RNMT: variants seen among roughly 807,000 people sequenced by gnomAD.
RNMT encodes RNA guanine-7 methyltransferase, also known as mRNA cap guanine-N(7) methyltransferase.
RNMT carries 27 observed loss-of-function variants against 56.0 expected under a neutral mutation model. That is an observed-to-expected ratio of 0.48 (90% CI 0.36 to 0.67). The LOEUF is 0.67. RNMT is among the 30% of genes least tolerant of loss of function. The pLI, the probability that RNMT is intolerant of heterozygous loss-of-function variation, is 0.00. For missense variants in RNMT, 519 were observed against 552.1 expected (o/e 0.94, Z 0.60); for synonymous variants, 184 against 176.2 (o/e 1.04, Z -0.35).
At position 13,763,192 on chromosome 18, in the gene RNMT, A is replaced by C. The variant is rs2149113004; in HGVS notation, c.*3213A>C. On this transcript the variant is annotated 3_prime_UTR_variant, in exon 12 of 12. Coordinates refer to ENST00000383314, the MANE Select transcript of RNMT (RefSeq NM_003799.3). ...CTATATCAAACACTGCACACTTGAC[A>C]AGTGTTTTCATTCCCCGCCCTCTGA... The C allele has an allele frequency of 6.6e-6, 3 of 453,852 alleles. No individual in the cohort carries two copies. 28.1% of individuals were successfully genotyped at this position (453,852 alleles called of 1,614,324 possible). A position where few individuals can be genotyped will look rare whatever the true frequency, so the allele number is the denominator to read the frequency against.
chr18:13,738,953 C>T (rs66848489), intron 5 of RNMT, among the ~76,000 whole-genome samples: 1 of 151,984 alleles, frequency 6.6e-6, no homozygotes, highest in Admixed American at 6.6e-5. Context: ...GAGTATGCAA[C>T]CTAGCTTGCC....
In RNMT at chr18:13,752,321, C is replaced by G; in HGVS notation, c.1258-5C>G. 6.3e-7 allele frequency: 1 copy of G among 1,590,754 alleles called. No homozygotes were observed. Among genetic ancestry groups the G allele is most frequent in the Middle Eastern group, 1.7e-4 (1 of 6,006 alleles). Reference sequence around the variant, plus strand: ...TGTAACTAGGACTTTCATTTCTTTCCCCAGCCATATCCTGCAAATGAGAGT... The same window carrying G: ...TGTAACTAGGACTTTCATTTCTTTCGCCAGCCATATCCTGCAAATGAGAGT... On this transcript the variant is annotated splice_polypyrimidine_tract_variant and splice_region_variant and intron_variant, in intron 9 of 11. Transcript: ENST00000383314.
In RNMT at chr18:13,761,946, C is replaced by T. The variant is rs1327684118; in HGVS notation, c.*1967C>T. 12 of 1,509,562 alleles carry T rather than the reference C, an allele frequency of 7.9e-6. No homozygotes were observed. Among genetic ancestry groups the T allele is most frequent in the Non-Finnish European group, 9.7e-6 (11 of 1,134,716 alleles). The allele number at this position is 1,509,562 out of a possible 1,614,324, so 93.5% of individuals were successfully genotyped here. ...GGAAGAGGACTAGAAAAGGCTTCCCCTGCCTATCCTCTCCGATCACCAAGG... is the reference window on the plus strand; with the variant it reads ...GGAAGAGGACTAGAAAAGGCTTCCCTTGCCTATCCTCTCCGATCACCAAGG... On this transcript the variant is annotated 3_prime_UTR_variant, in exon 12 of 12. Coordinates refer to ENST00000383314, the MANE Select transcript of RNMT (RefSeq NM_003799.3).
intron 10 of RNMT, among the ~76,000 whole-genome samples, chr18:13,753,699 A>T (rs1211903638): frequency 6.6e-6 from 1 of 151,820 alleles, no homozygotes; most frequent in Non-Finnish European, 1.5e-5. Context: ...TGAACCCAGG[A>T]GGCAGAGCTT....
intron 3 of RNMT, among the ~76,000 whole-genome samples, chr18:13,732,470 C>A (rs1204267078): frequency 6.6e-6 from 1 of 152,092 alleles, no homozygotes; most frequent in East Asian, 1.9e-4. Flanking sequence ...ATTCCTTAAA[C>A]AGTTTTCAGC....
intron 8 of RNMT, among the ~76,000 whole-genome samples, chr18:13,744,383 T>C (rs1409563694): frequency 6.6e-6 from 1 of 152,086 alleles, no homozygotes. Context: ...AAATTGGGCC[T>C]CAATTCTTTG....
chr18:13,733,237 C>T (rs867783654), intron 3 of RNMT, among the ~76,000 whole-genome samples: 10 of 152,110 alleles, frequency 6.6e-5, no homozygotes, highest in Admixed American at 1.3e-4. Context: ...TAGGAGGATC[C>T]GAAGCCCTTT....
chr18:13,731,670 G>T lies in RNMT; in HGVS notation c.153G>T (p.Arg51Ser), dbSNP rs149130238. The T allele has an allele frequency of 5.0e-6, 8 of 1,614,088 alleles. No homozygotes were observed. The highest frequency in any genetic ancestry group is 1.3e-5 in the African/African-American group (1 of 75,042). The change falls in exon 3 of 12, where the codon AGG becomes AGT. Residue 51 changes from arginine to serine, a missense_variant. By Grantham distance (110) the Arg-to-Ser change is moderately radical. Transcript: ENST00000383314. Reference protein sequence around the residue: ...TGLSEKTSVCRQVDIARKRKE... With the variant: ...TGLSEKTSVCSQVDIARKRKE... ...TTTCTGAAAAGACTTCTGTCTGTAG[G>T]CAAGTAGACATAGCAAGAAAGAGAA... is the stretch of plus-strand genomic sequence containing the variant.
In RNMT at chr18:13,741,746, A is replaced by T. The variant is rs1487478256; in HGVS notation, c.974+55A>T. ...TAAAATATTCAGTATTAAGTAGCAA[A>T]TGTTTATCAGAGGTAGATTTTATTA... is the stretch of plus-strand genomic sequence containing the variant. On this transcript the variant is annotated intron_variant, in intron 7 of 11. Transcript: ENST00000383314. 4.4e-6 allele frequency: 5 copies of T among 1,129,340 alleles called. No individual in the cohort carries two copies. In the African/African-American group the frequency reaches 7.9e-5, roughly 18 times the overall value. The allele number at this position is 1,129,340 out of a possible 1,614,324, so 70.0% of individuals were successfully genotyped here.
At position 13,760,628 on chromosome 18, in the gene RNMT, T is replaced by C. The variant is rs2044607781; in HGVS notation, c.*649T>C. ...GAATTTTGGAATTTTGGGGCTTTCT[T>C]TTCAGAAATTGCTACCATAGTAATT... On this transcript the variant is annotated 3_prime_UTR_variant, in exon 12 of 12. Coordinates refer to ENST00000383314, the MANE Select transcript of RNMT (RefSeq NM_003799.3). The C allele has an allele frequency of 1.0e-6, 1 of 985,308 alleles. No homozygotes were observed. The highest frequency in any genetic ancestry group is 1.7e-5 in the African/African-American group (1 of 57,240). 61.0% of individuals were successfully genotyped at this position (985,308 alleles called of 1,614,324 possible).
Position 13,737,050 on chromosome 18 carries a change from T to C in RNMT, c.594T>C (p.Asp198=). The C allele has an allele frequency of 6.2e-7, 1 of 1,613,542 alleles. No individual in the cohort carries two copies. Among genetic ancestry groups the C allele is most frequent in the Non-Finnish European group, 8.5e-7 (1 of 1,179,666 alleles). ...AGGTACGACAGAAGAAAAAACGTGA[T>C]ATCACTGTTTTGGACCTGGGATGTG... is the stretch of plus-strand genomic sequence containing the variant. ...LEKVRQKKKR[D]ITVLDLGCGK... is the part of the protein sequence containing the mutation. Residue 198 remains aspartate (D), a synonymous_variant, in exon 5 of 12, where the codon GAT becomes GAC. Coordinates refer to ENST00000383314, the MANE Select transcript of RNMT (RefSeq NM_003799.3).
chr18:13,752,601 T>G (rs1320061029), intron 10 of RNMT, among the ~76,000 whole-genome samples, 174 bp downstream of exon 10: 1 of 152,212 alleles, frequency 6.6e-6, no homozygotes, highest in East Asian at 1.9e-4. Context: ...GGAATAAAAT[T>G]TATTTCAATG....
intron 3 of RNMT, 78 bp downstream of exon 3, chr18:13,732,012 G>A (rs2044078961): frequency 1.7e-6 from 2 of 1,152,166 alleles, no homozygotes; most frequent in African/African-American, 1.5e-5. Flanking sequence ...ATTCATACTG[G>A]TTTTTACATA....
chr18:13,755,973 C>T (rs573337017), intron 11 of RNMT, among the ~76,000 whole-genome samples: 54 of 152,312 alleles, frequency 3.5e-4, no homozygotes, highest in Non-Finnish European at 5.0e-4. Flanking sequence ...GGCCAAATTG[C>T]ACCTCGGGTG....
At chr18:13,728,356 G>T (rs2044008293) in intron 1 of RNMT, among the ~76,000 whole-genome samples, 2 of 112,266 alleles carry the variant, frequency 1.8e-5, no homozygotes, top group East Asian at 2.9e-4. Flanking sequence ...GTGTGTGTGT[G>T]ACGGAGCCTT....
intron 5 of RNMT, among the ~76,000 whole-genome samples, 194 bp from the exon 6 acceptor site, chr18:13,739,973 A>G (rs1400953629): frequency 6.6e-6 from 1 of 151,950 alleles, no homozygotes; most frequent in East Asian, 2.0e-4. Context: ...ACCTATTGAG[A>G]CGCTTTTAGT....
At chr18:13,734,241 G>A (rs1031391807) in intron 3 of RNMT, among the ~76,000 whole-genome samples, 5 of 152,150 alleles carry the variant, frequency 3.3e-5, no homozygotes, top group Admixed American at 6.5e-5. Context: ...CCCAGTCTCC[G>A]GTACGTCTTT....
intron 9 of RNMT, among the ~76,000 whole-genome samples, chr18:13,748,353 C>T (rs775040145): frequency 1.8e-4 from 28 of 152,090 alleles, no homozygotes; most frequent in Non-Finnish European, 3.8e-4. Context: ...ACTTCTTGAC[C>T]AAGTCACTCT....
chr18:13,743,927 A>G (rs145394818), intron 8 of RNMT, among the ~76,000 whole-genome samples: 2 of 152,108 alleles, frequency 1.3e-5, no homozygotes, highest in East Asian at 1.9e-4. Context: ...AACCATTTAC[A>G]AAATTTAAAA....
Sources: gnomAD v4.1 joint callset for allele counts (sites outside exome capture counted in the v4.1 genomes callset) on GRCh38, gnomAD v4.1.1 for gene constraint, MANE v1.5 for transcripts, NCBI Gene and HGNC (gene_info 2026-07-23, HGNC 2026-07-21) for gene names.